The following OTUD7A variants were observed in gnomAD, a reference collection of about 807,000 sequenced individuals.
OTUD7A encodes the protein OTU domain-containing protein 7A.
OTUD7A carries 12 observed loss-of-function variants against 65.7 expected under a neutral mutation model. The observed-to-expected ratio is 0.18, with a 90% CI of 0.12 to 0.30. The LOEUF is 0.30. OTUD7A is among the 10% of genes least tolerant of loss of function. The pLI, the probability that OTUD7A is intolerant of heterozygous loss-of-function variation, is 1.00. For missense variants in OTUD7A, 1,148 were observed against 1,304.8 expected, an observed-to-expected ratio of 0.88 and a Z score of 1.85; for synonymous variants, 641 against 586.3, an observed-to-expected ratio of 1.09 and a Z score of -1.35.
chr15:31,728,542 C>G (rs937832967), intron 1 of OTUD7A, among the ~76,000 whole-genome samples: 2 of 152,206 alleles, frequency 1.3e-5, no homozygotes, highest in African/African-American at 4.8e-5. Flanking sequence ...CACCTCTCTA[C>G]GCATGACCTT....
At chr15:31,623,392 T>A (rs956964276) in intron 3 of OTUD7A, among the ~76,000 whole-genome samples, 1 of 152,244 alleles carries the variant, frequency 6.6e-6, no homozygotes. Context: ...GCAGGCCTCG[T>A]TGAGCTGCAG....
At chr15:31,665,816 T>C (rs1465917410) in intron 1 of OTUD7A, among the ~76,000 whole-genome samples, 1 of 152,198 alleles carries the variant, frequency 6.6e-6, no homozygotes, top group African/African-American at 2.4e-5. Flanking sequence ...TTTTATTACA[T>C]TGAGGTATGT....
At chr15:31,860,677 G>GTATGTATATATATA (rs1897707792) in intron 1 of OTUD7A, among the ~76,000 whole-genome samples, 1 of 73,284 alleles carries the variant, frequency 1.4e-5, no homozygotes, top group East Asian at 4.4e-4. Context: ...ATGTATGTGT[G>GTATGTATATATATA]TATATATATA....
chr15:31,865,640 G>T (rs901997580), intron 1 of OTUD7A, among the ~76,000 whole-genome samples: 9 of 152,290 alleles, frequency 5.9e-5, no homozygotes, highest in African/African-American at 1.9e-4. Context: ...CTTCTCAGAG[G>T]TAGCAAGGTT....
intron 1 of OTUD7A, among the ~76,000 whole-genome samples, chr15:31,834,931 G>GT: frequency 6.6e-6 from 1 of 152,348 alleles, no homozygotes; most frequent in South Asian, 2.1e-4. Context: ...ACTGTGAAGA[G>GT]TAAGTGTGAG....
chr15:31,678,318 C>A (rs1430965958), intron 1 of OTUD7A, among the ~76,000 whole-genome samples: 2 of 152,146 alleles, frequency 1.3e-5, no homozygotes, highest in African/African-American at 4.8e-5. Context: ...AAAAGAAAAA[C>A]CAATTTTTTG....
chr15:31,507,744 G>A (rs2141090547), intron 8 of OTUD7A, among the ~76,000 whole-genome samples: 2 of 152,180 alleles, frequency 1.3e-5, no homozygotes, highest in Middle Eastern at 6.8e-3. Context: ...GCTACTTTTA[G>A]GATTCTGCTG....
intron 1 of OTUD7A, among the ~76,000 whole-genome samples, chr15:31,685,410 C>A (rs949778825): frequency 1.3e-5 from 2 of 152,012 alleles, no homozygotes; most frequent in Non-Finnish European, 2.9e-5. Context: ...CTTTGGGAGA[C>A]CAAGGCGGGT....
At chr15:31,803,044 C>T (rs193140129) in intron 1 of OTUD7A, among the ~76,000 whole-genome samples, 1 of 152,286 alleles carries the variant, frequency 6.6e-6, no homozygotes, top group African/African-American at 2.4e-5. Context: ...GTCTGTCTGT[C>T]GACTTTTGTG....
intron 3 of OTUD7A, among the ~76,000 whole-genome samples, chr15:31,573,408 G>A (rs1451409811): frequency 6.6e-6 from 1 of 152,158 alleles, no homozygotes; most frequent in Non-Finnish European, 1.5e-5. Context: ...TCTGGCAAAG[G>A]AGCAGTCAGG....
chr15:31,673,084 C>G (rs1371577337), intron 1 of OTUD7A, among the ~76,000 whole-genome samples: 1 of 152,146 alleles, frequency 6.6e-6, no homozygotes, highest in Non-Finnish European at 1.5e-5. Context: ...ATAAACTTAC[C>G]TTAAGTTGAA....
chr15:31,529,821 T>C (rs1255916714), intron 6 of OTUD7A, among the ~76,000 whole-genome samples: 1 of 152,176 alleles, frequency 6.6e-6, no homozygotes, highest in Non-Finnish European at 1.5e-5. Context: ...TTGTTGGGGA[T>C]GCAAGTTTGA....
intron 1 of OTUD7A, among the ~76,000 whole-genome samples, chr15:31,716,548 C>T (rs1361115913): frequency 1.5e-5 from 2 of 130,442 alleles, no homozygotes; most frequent in African/African-American, 2.6e-5. Context: ...CATGGACCAG[C>T]GATGGCTCCC....
chr15:31,562,712 T>C (rs1346188263), intron 4 of OTUD7A, among the ~76,000 whole-genome samples: 2 of 152,194 alleles, frequency 1.3e-5, no homozygotes, highest in Admixed American at 6.5e-5. Context: ...AAACTTTTCC[T>C]AAAGGGTGAG....
rs564890941 is a variant in OTUD7A, at chr15:31,511,913, T to G, written c.894-8095A>C. Reference sequence around the variant, plus strand: ...GCTTAACCCCCCCGCCCATGGGGATTTCTCACCTCTTTTTGAGGTTTAACC... The same window carrying G: ...GCTTAACCCCCCCGCCCATGGGGATGTCTCACCTCTTTTTGAGGTTTAACC... On this transcript the variant is annotated intron_variant, in intron 8 of 12. Coordinates refer to ENST00000307050, the MANE Select transcript of OTUD7A (RefSeq NM_001382637.1). Among the ~76,000 whole-genome samples the G allele has an allele frequency of 1.7e-3, 255 of 152,198 alleles. 1 individual carries two copies. Among genetic ancestry groups the G allele is most frequent in the African/African-American group, 5.7e-3 (238 of 41,530 alleles).
At chr15:31,737,748 A>G (rs182071783) in intron 1 of OTUD7A, among the ~76,000 whole-genome samples, 1 of 152,212 alleles carries the variant, frequency 6.6e-6, no homozygotes, top group African/African-American at 2.4e-5. Context: ...AACTGGATAG[A>G]CTGAATGTGT....
At chr15:31,656,516 G>A (rs1327063678) in intron 2 of OTUD7A, among the ~76,000 whole-genome samples, 1 of 152,286 alleles carries the variant, frequency 6.6e-6, no homozygotes, top group African/African-American at 2.4e-5. Context: ...TGTACTTCCT[G>A]GAACTTTATG....
chr15:31,598,647 G>C (rs554244781), intron 3 of OTUD7A, among the ~76,000 whole-genome samples: 66 of 152,276 alleles, frequency 4.3e-4, no homozygotes, highest in African/African-American at 1.3e-3. Flanking sequence ...TGGAACACCA[G>C]AGAGACAGAA....
chr15:31,802,026 A>G (rs1896137764), intron 1 of OTUD7A, among the ~76,000 whole-genome samples: 1 of 151,994 alleles, frequency 6.6e-6, no homozygotes, highest in Admixed American at 6.6e-5. Flanking sequence ...TTTACATGAA[A>G]TCACAAAAAA....
Sources: allele counts gnomAD v4.1 joint callset (sites outside exome capture counted in the v4.1 genomes callset), GRCh38; gene constraint gnomAD v4.1.1; transcripts MANE v1.5; gene names NCBI Gene and HGNC (gene_info 2026-07-23, HGNC 2026-07-21).